BBS1: variants seen among roughly 807,000 people sequenced by gnomAD.
The protein encoded by BBS1 is BBSome complex member BBS1.
Under a neutral mutation model 73.9 loss-of-function variants are expected in BBS1, and 60 were observed. That is an observed-to-expected ratio of 0.81 (90% confidence interval 0.66 to 1.01). The LOEUF (loss-of-function observed/expected upper bound fraction) is 1.01. Ranked by LOEUF, BBS1 falls within the 50% of genes least tolerant of loss-of-function variation. BBS1 has a pLI of 0.00. For synonymous variants in BBS1, 283 were observed against 317.4 expected, an observed-to-expected ratio of 0.89 and a Z score of 1.15; for missense variants, 718 against 770.3, an observed-to-expected ratio of 0.93 and a Z score of 0.80.
At chr11:66,516,783 C>T (rs1856058663) in intron 7 of BBS1, among the ~76,000 whole-genome samples, 1 of 152,066 alleles carries the variant, frequency 6.6e-6, no homozygotes, top group South Asian at 2.1e-4. Context: ...TCTTGAACTC[C>T]TGAACTCAAG....
intron 4 of BBS1, among the ~76,000 whole-genome samples, chr11:66,515,287 GAGA>G (rs954332035): frequency 1.3e-5 from 2 of 152,150 alleles, no homozygotes; most frequent in Non-Finnish European, 2.9e-5. Context: ...GGGCCTGTCA[GAGA>G]AGAAGGAGGA....
At chr11:66,522,843 A>G (rs1041113395) in intron 9 of BBS1, 22 of 302,826 alleles carry the variant, frequency 7.3e-5, no homozygotes, top group South Asian at 3.8e-4. Flanking sequence ...TACAAGCTCA[A>G]TGGGGAAAAA....
intron 8 of BBS1, chr11:66,520,173 T>C (rs1856158910): frequency 5.3e-6 from 1 of 187,200 alleles, no homozygotes; most frequent in Non-Finnish European, 1.1e-5. Context: ...AAACAATAAG[T>C]AAATAAATAA....
rs760469814 is a variant in BBS1 at position 66,514,576 on chromosome 11, T to C, written c.330T>C (p.Pro110=). The C allele has an allele frequency of 5.0e-5, 80 of 1,614,108 alleles. 1 individual carries two copies. In the South Asian group the frequency reaches 8.7e-4, roughly 17 times the overall value. ...CAGCTCTGGCACTTGCTTCAGGCCC[T>C]TGTGTCTATGTGTATAAGAATCTCA... The part of the protein sequence containing the change: ...RTPALALASG[P]CVYVYKNLRP... Residue 110 remains proline, a synonymous_variant, in exon 4 of 17, where the codon CCT becomes CCC. Transcript: ENST00000318312.
Position 66,531,704 on chromosome 11 carries a change from G to C in BBS1, c.1657G>C (p.Glu553Gln). The C allele has an allele frequency of 6.2e-7, 1 of 1,614,112 alleles. No homozygotes were observed. The highest frequency in any genetic ancestry group is 8.5e-7 in the Non-Finnish European group (1 of 1,179,976). Residue 553 changes from glutamate (E) to glutamine (Q), a missense_variant, in exon 16 of 17, where the codon GAG becomes CAG. By Grantham distance (29) the Glu-to-Gln change is conservative (BLOSUM62 2). Coordinates refer to ENST00000318312, the MANE Select transcript of BBS1 (RefSeq NM_024649.5). The stretch of plus-strand genomic sequence containing the variant: ...CAACTACCCCCTGGAGACCTTTGTG[G>C]AGAGTCTCAGTAACAAGGGCATCTC... ...GLNYPLETFV[E>Q]SLSNKGISDI...
chr11:66,529,374 G>A, intron 13 of BBS1: 1 of 1,454,860 alleles, frequency 6.9e-7, no homozygotes, highest in Non-Finnish European at 9.3e-7. Flanking sequence ...GTGGAGATGA[G>A]CAGGAGGCAG....
In BBS1 at chr11:66,521,284, C is replaced by A; in HGVS notation, c.738C>A (p.Ser246Arg). The A allele has an allele frequency of 6.2e-7, 1 of 1,614,054 alleles. No individual in the cohort carries two copies. Among genetic ancestry groups the A allele is most frequent in the Non-Finnish European group, 8.5e-7 (1 of 1,179,928 alleles). ...FTILAKMSLP[S>R]VPVFLEVSGQ... ...CTTGTTTGCAGATGAGCCTTCCCAG[C>A]GTCCCCGTCTTCCTAGAGGTTTCTG... Residue 246 changes from serine (S) to arginine (R), a missense_variant, in exon 9 of 17, where the codon AGC becomes AGA. Ser to Arg is a moderately radical substitution (Grantham distance 110). Transcript: ENST00000318312.
chr11:66,513,886 G>T (rs376821853), intron 3 of BBS1, among the ~76,000 whole-genome samples: 2 of 152,146 alleles, frequency 1.3e-5, no homozygotes, highest in African/African-American at 4.8e-5. Flanking sequence ...AAATGGGCTT[G>T]TGTGGCAGCT....
At position 66,523,753 on chromosome 11, in the gene BBS1, C is replaced by T. The variant is rs142243482; in HGVS notation, c.981C>T (p.Pro327=). 7.4e-5 allele frequency: 119 copies of T among 1,612,288 alleles called. 1 individual carries two copies. The highest frequency in any genetic ancestry group is 1.5e-4 in the African/African-American group (11 of 74,942). ...KGKKLWTVQM[P]AAILTMNLLE... ...AGAAGCTGTGGACAGTGCAGATGCC[C>T]GCAGCCATCCTGACCATGAACCTCC... The change falls in exon 11 of 17, where the codon CCC becomes CCT. Residue 327 remains proline, a synonymous_variant. Coordinates refer to ENST00000318312, the MANE Select transcript of BBS1 (RefSeq NM_024649.5).
chr11:66,515,503 G>A, intron 4 of BBS1, 37 bp from the exon 5 acceptor site: 2 of 1,612,828 alleles, frequency 1.2e-6, no homozygotes, highest in Non-Finnish European at 1.7e-6. Flanking sequence ...TTCCTGCCTG[G>A]CTTGAGCTCA....
chr11:66,528,454 T>C (rs980000357), intron 13 of BBS1, among the ~76,000 whole-genome samples: 15 of 152,150 alleles, frequency 9.9e-5, no homozygotes, highest in Non-Finnish European at 1.5e-4. Flanking sequence ...TGAGGGGACT[T>C]ACCCTATCAG....
intron 11 of BBS1, among the ~76,000 whole-genome samples, chr11:66,525,449 G>A (rs140908582): frequency 2.1e-3 from 324 of 151,592 alleles, no homozygotes; most frequent in Non-Finnish European, 3.6e-3. Flanking sequence ...GCCTATAATC[G>A]CATCTACTGG....
At position 66,523,638 on chromosome 11, in the gene BBS1, A is replaced by G; in HGVS notation, c.951+62A>G. ...ATGTCCCTAGCCCCCACTTGGCAAG[A>G]GAGTCCTCTGGCTTCCCCACCCCAG... On this transcript the variant is annotated intron_variant, in intron 10 of 16. Coordinates refer to ENST00000318312, the MANE Select transcript of BBS1 (RefSeq NM_024649.5). 2.5e-6 allele frequency: 4 copies of G among 1,612,480 alleles called. No individual in the cohort carries two copies. The Admixed American group carries it at 6.7e-5, about 27-fold the overall frequency.
rs1309915508 is a variant in BBS1, at chr11:66,510,739, C to T, written c.47+33C>T. The T allele has an allele frequency of 3.7e-6, 6 of 1,613,484 alleles. No homozygotes were observed. The South Asian group carries it at 5.5e-5, about 15-fold the overall frequency. On this transcript the variant is annotated intron_variant, in intron 1 of 16. Coordinates refer to ENST00000318312, the MANE Select transcript of BBS1 (RefSeq NM_024649.5). ...CAGGGCTCCTCAAGGCCTCTTTTCCCACCCGTGTAAAGAGGGTCCCTTGGT... is the reference window on the plus strand; with the variant it reads ...CAGGGCTCCTCAAGGCCTCTTTTCCTACCCGTGTAAAGAGGGTCCCTTGGT...
At chr11:66,530,801 T>G in intron 14 of BBS1, 93 bp from the exon 15 acceptor site, 1 of 1,550,088 alleles carries the variant, frequency 6.5e-7, no homozygotes, top group Non-Finnish European at 8.9e-7. Flanking sequence ...GGAGGGGACA[T>G]GAGGGCATTG....
At chr11:66,518,298 C>T (rs1281581678) in intron 7 of BBS1, among the ~76,000 whole-genome samples, 1 of 151,908 alleles carries the variant, frequency 6.6e-6, no homozygotes, top group African/African-American at 2.4e-5. Flanking sequence ...CGCTCTGTCA[C>T]CCAGGCTGGA....
chr11:66,523,451 C>T lies in BBS1; in HGVS notation c.831-5C>T, dbSNP rs56177555. 4.7e-4 allele frequency: 759 copies of T among 1,614,094 alleles called. 4 individuals are homozygous for T. In the African/African-American group the frequency reaches 9.3e-3, roughly 20 times the overall value. The stretch of plus-strand genomic sequence containing the variant: ...GGGCCAGACAGTGTGTTGTTTATTC[C>T]ACAGAGACTCCAAGCACCCCAAGTA... On this transcript the variant is annotated splice_region_variant and splice_polypyrimidine_tract_variant and intron_variant, in intron 9 of 16. Transcript: ENST00000318312.
chr11:66,526,527 C>T (rs966664324), intron 12 of BBS1, 122 bp from the exon 13 acceptor site: 8 of 1,229,812 alleles, frequency 6.5e-6, no homozygotes, highest in African/African-American at 5.9e-5. Flanking sequence ...GAAACAGTCT[C>T]GTCTGGAAGA....
At position 66,526,700 on chromosome 11, in the gene BBS1, G is replaced by T; in HGVS notation, c.1232G>T (p.Gly411Val). 1 of 1,614,234 alleles carries T rather than the reference G, an allele frequency of 6.2e-7. No individual in the cohort carries two copies. Among genetic ancestry groups the T allele is most frequent in the Non-Finnish European group, 8.5e-7 (1 of 1,180,042 alleles). The change falls in exon 13 of 17, where the codon GGA becomes GTA. Residue 411 changes from glycine (G) to valine (V), a missense_variant. By Grantham distance (109) the Gly-to-Val change is moderately radical (BLOSUM62 -3). Transcript: ENST00000318312. ...AAGCGTACAGCAGTGTTTGTAGAGG[G>T]AGGAAGTGAGGTGGGTCCCCCACCA... The part of the protein sequence containing the change: ...ILKRTAVFVE[G>V]GSEVGPPPAQ...
Sources: gnomAD v4.1 joint callset for allele counts (sites outside exome capture counted in the v4.1 genomes callset) on GRCh38, gnomAD v4.1.1 for gene constraint, MANE v1.5 for transcripts, NCBI Gene and HGNC (gene_info 2026-07-23, HGNC 2026-07-21) for gene names.